Variants in TENM3 observed in about 807,000 individuals in gnomAD.
TENM3 encodes the protein teneurin-3.
In TENM3, 63 loss-of-function variants were observed where a neutral mutation model predicts 255.1. That is an observed-to-expected ratio of 0.25 (90% CI 0.20 to 0.30). TENM3 has a LOEUF of 0.30. Among genes scored for constraint, TENM3 ranks in the 10% least tolerant of loss-of-function variants. TENM3 has a pLI of 1.00. For missense variants in TENM3, 2,929 were observed against 3,461.1 expected, an observed-to-expected ratio of 0.85 and a Z score of 3.86; for synonymous variants, 1,306 against 1,322.3, an observed-to-expected ratio of 0.99 and a Z score of 0.27.
intron 1 of TENM3, among the ~76,000 whole-genome samples, chr4:182,283,203 T>G (rs972394076): frequency 1.3e-5 from 2 of 152,230 alleles, no homozygotes; most frequent in Non-Finnish European, 2.9e-5. Flanking sequence ...AATAATTACA[T>G]GAATCCATTC....
At chr4:182,272,287 T>C (rs1759694846) in intron 1 of TENM3, among the ~76,000 whole-genome samples, 1 of 152,208 alleles carries the variant, frequency 6.6e-6, no homozygotes, top group Non-Finnish European at 1.5e-5. Context: ...GCAAAATAAA[T>C]GTCCCAGCAG....
chr4:182,165,186 A>G (rs1352022123), intron 1 of TENM3, among the ~76,000 whole-genome samples: 1 of 152,212 alleles, frequency 6.6e-6, no homozygotes, highest in African/African-American at 2.4e-5. Context: ...AGGGAAACTC[A>G]GATCCCTCAT....
the TENM3 span, among the ~76,000 whole-genome samples, chr4:181,494,533 G>A: frequency 2.2e-4 from 33 of 152,052 alleles, no homozygotes; most frequent in Non-Finnish European, 4.0e-4. Context: ...CGATCCACCC[G>A]CCTCAGCCTC....
intron 3 of TENM3, among the ~76,000 whole-genome samples, chr4:182,433,008 T>A (rs1771778313): frequency 6.6e-6 from 1 of 152,168 alleles, no homozygotes; most frequent in African/African-American, 2.4e-5. Flanking sequence ...AGGATCCTAT[T>A]TTTAAACAGG....
the TENM3 span, among the ~76,000 whole-genome samples, chr4:181,582,227 C>T: frequency 5.3e-5 from 8 of 152,072 alleles, no homozygotes; most frequent in African/African-American, 1.7e-4. Flanking sequence ...GCATAGGGCA[C>T]GGGCCTGTCT....
chr4:182,517,118 T>C (rs1045362181), intron 3 of TENM3, among the ~76,000 whole-genome samples: 6 of 152,082 alleles, frequency 3.9e-5, no homozygotes, highest in African/African-American at 1.4e-4. Flanking sequence ...GAATAGAAAC[T>C]CTGCATTTTG....
intron 3 of TENM3, among the ~76,000 whole-genome samples, chr4:182,495,562 T>G (rs1017887367): frequency 3.9e-5 from 6 of 152,206 alleles, no homozygotes; most frequent in Non-Finnish European, 8.8e-5. Context: ...GAAGACTCTC[T>G]TGCATATTTT....
At chr4:182,256,265 G>A (rs183714262) in intron 1 of TENM3, among the ~76,000 whole-genome samples, 13 of 152,292 alleles carry the variant, frequency 8.5e-5, no homozygotes, top group African/African-American at 1.9e-4. Flanking sequence ...AATTTGAATC[G>A]ATTATGGGCT....
chr4:182,389,259 A>C (rs945487741), intron 3 of TENM3, among the ~76,000 whole-genome samples: 1 of 152,146 alleles, frequency 6.6e-6, no homozygotes, highest in Non-Finnish European at 1.5e-5. Context: ...CCCTCCCACC[A>C]GCTGCCCTTT....
the TENM3 span, among the ~76,000 whole-genome samples, chr4:181,926,116 T>G: frequency 6.6e-6 from 1 of 152,218 alleles, no homozygotes; most frequent in Admixed American, 6.5e-5. Context: ...CAGTGTGTTT[T>G]GAAAAGTCTT....
intron 13 of TENM3, among the ~76,000 whole-genome samples, chr4:182,725,636 C>CTTTTTT (rs5864795): frequency 1.7e-4 from 23 of 133,658 alleles, no homozygotes; most frequent in East Asian, 4.3e-4. Flanking sequence ...TCTTTTTTTT[C>CTTTTTT]TTTTTTTTTT....
the TENM3 span, among the ~76,000 whole-genome samples, chr4:182,066,028 G>A: frequency 6.6e-6 from 1 of 152,102 alleles, no homozygotes; most frequent in African/African-American, 2.4e-5. Flanking sequence ...GAGTCTAATT[G>A]CTGGGTCATA....
the TENM3 span, among the ~76,000 whole-genome samples, chr4:181,471,904 C>G: frequency 0.68 from 102,817 of 152,038 alleles, 35,384 homozygotes; most frequent in Non-Finnish European, 0.74. Context: ...AGCACAATTG[C>G]AGGACACAAG....
At position 182,799,555 on chromosome 4, in the gene TENM3, CG is replaced by C. The variant is rs1766749263; in HGVS notation, c.7345-39del. On this transcript the variant is annotated intron_variant, in intron 27 of 27. Coordinates refer to ENST00000511685, the MANE Select transcript of TENM3 (RefSeq NM_001080477.4). The surrounding 1 kb of genome is among the most constrained non-coding windows in gnomAD (Gnocchi z 4.2). ...TGTGGGTCAGGAGTGGGGAGGCTCC[CG>C]GCCGCCTCTGACGCGCCCCCTCTTT... The C allele has an allele frequency of 6.6e-7, 1 of 1,521,212 alleles. No individual in the cohort carries two copies. The highest frequency in any genetic ancestry group is 2.2e-5 in the Admixed American group (1 of 45,110). The allele number at this position is 1,521,212 out of a possible 1,614,324, so 94.2% of individuals were successfully genotyped here.
chr4:181,992,707 C>CA, the TENM3 span, among the ~76,000 whole-genome samples: 1 of 152,038 alleles, frequency 6.6e-6, no homozygotes, highest in Non-Finnish European at 1.5e-5. Context: ...ATGGCTGTTT[C>CA]AAATGTGCGG....
the TENM3 span, among the ~76,000 whole-genome samples, chr4:181,512,047 C>T: frequency 6.6e-6 from 1 of 152,118 alleles, no homozygotes; most frequent in Non-Finnish European, 1.5e-5. Flanking sequence ...CCTACAAAGG[C>T]CTGTCCACAA....
At chr4:182,217,784 TTTCTC>T (rs1464874286) in intron 1 of TENM3, among the ~76,000 whole-genome samples, 2 of 152,198 alleles carry the variant, frequency 1.3e-5, no homozygotes, top group Non-Finnish European at 2.9e-5. Context: ...TTATTTGAGA[TTTCTC>T]TTTTAATTAT....
the TENM3 span, chr4:182,012,892 C>A: frequency 1.3e-5 from 2 of 152,094 alleles, no homozygotes; most frequent in African/African-American, 4.8e-5. Context: ...TTATTTGAAT[C>A]TTTTCTTTTT....
At chr4:182,468,824 T>TTGTGTGTGTGTGTGTGTGTG (rs66517986) in intron 3 of TENM3, among the ~76,000 whole-genome samples, 4 of 143,778 alleles carry the variant, frequency 2.8e-5, no homozygotes, top group Admixed American at 1.4e-4. Context: ...TCCTGTGTGC[T>TTGTGTGTGTGTGTGTGTGTG]TGTGTGTGTG....
Sources: gnomAD v4.1 joint callset for allele counts (sites outside exome capture counted in the v4.1 genomes callset) on GRCh38, gnomAD v4.1.1 for gene constraint, Gnocchi (gnomAD v3.1) non-coding constraint, MANE v1.5 for transcripts, NCBI Gene and HGNC (gene_info 2026-07-23, HGNC 2026-07-21) for gene names.